RABGEF1: variants seen among roughly 807,000 people sequenced by gnomAD.
RABGEF1 encodes rab5 GDP/GTP exchange factor.
In RABGEF1, 26 loss-of-function variants were observed where a neutral mutation model predicts 57.3. That is an observed-to-expected ratio of 0.45 (90% CI 0.33 to 0.63). RABGEF1 has a LOEUF of 0.63. Ranked by LOEUF, RABGEF1 falls within the 20% of genes least tolerant of loss-of-function variation. The pLI is 0.02. For synonymous variants in RABGEF1, 185 were observed against 210.7 expected, an observed-to-expected ratio of 0.88 and a Z score of 1.06; for missense variants, 464 against 607.6, an observed-to-expected ratio of 0.76 and a Z score of 2.48.
intron 8 of RABGEF1, chr7:66,808,137 A>G (rs1788825975): frequency 6.6e-6 from 1 of 152,148 alleles, no homozygotes; most frequent in Non-Finnish European, 1.5e-5. Flanking sequence ...GAGCTTAAGT[A>G]ACTTTCCCAC....
At chr7:66,732,797 C>T (rs1797492168) in intron 2 of RABGEF1, among the ~76,000 whole-genome samples, 1 of 152,172 alleles carries the variant, frequency 6.6e-6, no homozygotes, top group Non-Finnish European at 1.5e-5. Context: ...TGCTGTCTCT[C>T]TCGCTTTTGC....
At chr7:66,696,689 CAAAAAA>C (rs71049476) in intron 1 of RABGEF1, among the ~76,000 whole-genome samples, 2 of 66,326 alleles carry the variant, frequency 3.0e-5, no homozygotes, top group African/African-American at 6.6e-5. Context: ...GACTCCGTCT[CAAAAAA>C]AAAAAAAAAA....
At chr7:66,716,803 A>G (rs1795455121) in intron 2 of RABGEF1, among the ~76,000 whole-genome samples, 1 of 152,050 alleles carries the variant, frequency 6.6e-6, no homozygotes, top group Admixed American at 6.6e-5. Context: ...ACAGGAGACA[A>G]GGTCTTGCTC....
intron 1 of RABGEF1, among the ~76,000 whole-genome samples, chr7:66,764,709 A>G (rs908591051): frequency 1.3e-5 from 2 of 152,192 alleles, no homozygotes; most frequent in African/African-American, 2.4e-5. Context: ...CTATTTGGTG[A>G]AAAGACTCTT....
chr7:66,698,657 C>G (rs913763432), intron 1 of RABGEF1, among the ~76,000 whole-genome samples: 11 of 152,146 alleles, frequency 7.2e-5, no homozygotes, highest in Non-Finnish European at 1.6e-4. Context: ...CTGCGGTGAT[C>G]CCCTGTGAAA....
At chr7:66,742,195 A>C (rs1370864921) in intron 1 of RABGEF1, among the ~76,000 whole-genome samples, 1 of 152,172 alleles carries the variant, frequency 6.6e-6, no homozygotes, top group East Asian at 1.9e-4. Flanking sequence ...TTGTACCAAG[A>C]AACTTGCCAG....
intron 1 of RABGEF1, among the ~76,000 whole-genome samples, chr7:66,707,080 C>T (rs1308238801): frequency 5.9e-5 from 9 of 152,292 alleles, no homozygotes; most frequent in South Asian, 2.1e-4. Flanking sequence ...CCACCGCGCC[C>T]GGCCCGTACT....
At chr7:66,745,551 A>G (rs1800005237) in intron 1 of RABGEF1, among the ~76,000 whole-genome samples, 1 of 152,000 alleles carries the variant, frequency 6.6e-6, no homozygotes, top group South Asian at 2.1e-4. Context: ...CAGATCACTT[A>G]AGGCCAGGAG....
chr7:66,795,868 G>A (rs1396840589), intron 5 of RABGEF1, among the ~76,000 whole-genome samples: 1 of 152,202 alleles, frequency 6.6e-6, no homozygotes, highest in African/African-American at 2.4e-5. Context: ...GCCTGGCTCA[G>A]TAGCTCATGC....
In RABGEF1 at chr7:66,810,289, G is replaced by A. The variant is rs1419785504; in HGVS notation, c.*1005G>A. Reference sequence around the variant, plus strand: ...TTCAACCTCGGGACTATTCATATTAGTGGCCTGAGAGGTGTTTGTTGTGGG... The same window carrying A: ...TTCAACCTCGGGACTATTCATATTAATGGCCTGAGAGGTGTTTGTTGTGGG... On this transcript the variant is annotated 3_prime_UTR_variant, in exon 9 of 9. Coordinates refer to ENST00000284957, the MANE Select transcript of RABGEF1 (RefSeq NM_014504.3). 1.3e-5 allele frequency: 2 copies of A among 152,186 alleles called. No homozygotes were observed. The highest frequency in any genetic ancestry group is 2.9e-5 in the Non-Finnish European group (2 of 68,050). 9.4% of individuals were successfully genotyped at this position (152,186 alleles called of 1,614,324 possible). A position where few individuals can be genotyped will look rare whatever the true frequency, so the allele number is the denominator to read the frequency against.
intron 3 of RABGEF1, among the ~76,000 whole-genome samples, chr7:66,779,634 CGTACTCCA>C (rs1809384536): frequency 6.7e-6 from 1 of 149,962 alleles, no homozygotes; most frequent in South Asian, 2.1e-4. Context: ...ATCATGCAAC[CGTACTCCA>C]GCCTGGGTGA....
chr7:66,768,039 AT>A (rs1806181873), intron 1 of RABGEF1, among the ~76,000 whole-genome samples: 1 of 152,086 alleles, frequency 6.6e-6, no homozygotes, highest in Non-Finnish European at 1.5e-5. Context: ...TTTAGTTGTC[AT>A]TTTTTGTCAT....
chr7:66,735,414 A>G (rs2129040773), intron 2 of RABGEF1, among the ~76,000 whole-genome samples: 1 of 152,364 alleles, frequency 6.6e-6, no homozygotes, highest in East Asian at 1.9e-4. Flanking sequence ...AGAGATCCAC[A>G]TAAGACCTTT....
the RABGEF1 span, among the ~76,000 whole-genome samples, chr7:66,655,611 C>G: frequency 1.3e-5 from 2 of 152,168 alleles, no homozygotes; most frequent in South Asian, 4.1e-4. Flanking sequence ...CTTAAGCGAT[C>G]CTCCCGCCTC....
chr7:66,693,818 T>A (rs560175808), intron 1 of RABGEF1, among the ~76,000 whole-genome samples: 1 of 151,710 alleles, frequency 6.6e-6, no homozygotes, highest in African/African-American at 2.4e-5. Flanking sequence ...TTTCTTTTTT[T>A]TTTTTTTGAG....
At chr7:66,708,236 A>T (rs768973282) in intron 1 of RABGEF1, among the ~76,000 whole-genome samples, 7 of 149,470 alleles carry the variant, frequency 4.7e-5, no homozygotes, top group Non-Finnish European at 1.0e-4. Context: ...TTGCCCTGGG[A>T]TAACAATTAA....
At chr7:66,785,505 A>G (rs979997715) in intron 4 of RABGEF1, among the ~76,000 whole-genome samples, 1 of 152,250 alleles carries the variant, frequency 6.6e-6, no homozygotes, top group Non-Finnish European at 1.5e-5. Flanking sequence ...GAACTAACAT[A>G]ACTAGCTTCA....
At chr7:66,780,051 T>G (rs892429704) in intron 3 of RABGEF1, among the ~76,000 whole-genome samples, 6 of 152,210 alleles carry the variant, frequency 3.9e-5, no homozygotes, top group Non-Finnish European at 8.8e-5. Flanking sequence ...GGGTTTTTTT[T>G]GTTTTAAAGC....
intron 5 of RABGEF1, chr7:66,796,680 C>T (rs1352785212): frequency 3.7e-6 from 1 of 271,290 alleles, no homozygotes; most frequent in African/African-American, 2.4e-5. Context: ...GCAACTCTGC[C>T]TCCCAGGTTC....
Sources: gnomAD v4.1 joint callset for allele counts (sites outside exome capture counted in the v4.1 genomes callset) on GRCh38, gnomAD v4.1.1 for gene constraint, MANE v1.5 for transcripts, NCBI Gene and HGNC (gene_info 2026-07-23, HGNC 2026-07-21) for gene names.